Variants in RAPGEF1 observed in about 807,000 individuals in gnomAD.
RAPGEF1 encodes the protein CRK SH3-binding GNRP.
A neutral mutation model predicts 143.3 loss-of-function variants in RAPGEF1; 33 were observed. The observed-to-expected ratio is 0.23, with a 90% CI of 0.17 to 0.31. RAPGEF1 has a LOEUF of 0.31. RAPGEF1 is among the 10% of genes least tolerant of loss of function. The pLI, the probability that RAPGEF1 is intolerant of heterozygous loss-of-function variation, is 1.00. For synonymous variants in RAPGEF1, 629 were observed against 676.5 expected (o/e 0.93, Z 1.09); for missense variants, 1,199 against 1,645.4 (o/e 0.73, Z 4.69).
intron 1 of RAPGEF1, among the ~76,000 whole-genome samples, chr9:131,734,693 C>G (rs1304684007): frequency 2.0e-5 from 3 of 152,232 alleles, no homozygotes; most frequent in Non-Finnish European, 2.9e-5. Flanking sequence ...AAGAGGACCT[C>G]TTTCTCAGGC....
intron 1 of RAPGEF1, among the ~76,000 whole-genome samples, chr9:131,729,685 C>T (rs975770682): frequency 1.3e-5 from 2 of 152,216 alleles, no homozygotes; most frequent in Non-Finnish European, 2.9e-5. Flanking sequence ...CCACCCCTGG[C>T]GAGTCACTTC....
At position 131,577,774 on chromosome 9, in the gene RAPGEF1, C is replaced by G. The variant is rs969006150; in HGVS notation, c.*1723G>C. 11 of 152,172 alleles carry G rather than the reference C, an allele frequency of 7.2e-5. No homozygotes were observed. Among genetic ancestry groups the G allele is most frequent in the Non-Finnish European group, 1.0e-4 (7 of 68,052 alleles). 9.4% of individuals were successfully genotyped at this position (152,172 alleles called of 1,614,324 possible). A position where few individuals can be genotyped will look rare whatever the true frequency, so the allele number is the denominator to read the frequency against. ...TCCTTAAATAATAAAGTGACAGGTCCCGGCTGGCCCCGCAAGACCACCGCA... is the reference window on the plus strand; with the variant it reads ...TCCTTAAATAATAAAGTGACAGGTCGCGGCTGGCCCCGCAAGACCACCGCA... On this transcript the variant is annotated 3_prime_UTR_variant, in exon 27 of 27. Coordinates refer to ENST00000683357, the MANE Select transcript of RAPGEF1 (RefSeq NM_001377935.1).
intron 12 of RAPGEF1, among the ~76,000 whole-genome samples, chr9:131,615,968 G>A (rs1588472052): frequency 1.3e-5 from 2 of 152,170 alleles, no homozygotes. Context: ...ATATTCCAGG[G>A]ATAAAAACCA....
chr9:131,738,353 C>G (rs1427676918), intron 1 of RAPGEF1, among the ~76,000 whole-genome samples: 1 of 152,082 alleles, frequency 6.6e-6, no homozygotes, highest in Non-Finnish European at 1.5e-5. Context: ...AGACACTATA[C>G]AAGAAGTTCC....
chr9:131,606,864 A>G lies in RAPGEF1; in HGVS notation c.2062-1676T>C, dbSNP rs903966103. Among the ~76,000 whole-genome samples the G allele has an allele frequency of 2.0e-5, 3 of 152,140 alleles. No homozygotes were observed. The East Asian group carries it at 5.8e-4, about 29-fold the overall frequency. On this transcript the variant is annotated intron_variant, in intron 12 of 26. Coordinates refer to ENST00000683357, the MANE Select transcript of RAPGEF1 (RefSeq NM_001377935.1). ...GGTCTTGAACTCCTGAGCTCAAATGATCTGCCCGCCTCAGTCTCCCAAAGT... is the reference window on the plus strand; with the variant it reads ...GGTCTTGAACTCCTGAGCTCAAATGGTCTGCCCGCCTCAGTCTCCCAAAGT...
chr9:131,591,943 G>T (rs926085865), intron 18 of RAPGEF1, among the ~76,000 whole-genome samples, 156 bp downstream of exon 18: 13 of 152,176 alleles, frequency 8.5e-5, no homozygotes, highest in African/African-American at 3.1e-4. Context: ...GTAGAGGTGG[G>T]AACCTCGGTC....
intron 1 of RAPGEF1, among the ~76,000 whole-genome samples, chr9:131,688,948 T>G (rs1490973390): frequency 6.6e-6 from 1 of 152,198 alleles, no homozygotes; most frequent in Non-Finnish European, 1.5e-5. Flanking sequence ...TGGACCACTG[T>G]GTCTTAACTG....
intron 10 of RAPGEF1, among the ~76,000 whole-genome samples, chr9:131,624,925 C>T (rs1195451268): frequency 6.6e-6 from 1 of 152,380 alleles, no homozygotes; most frequent in South Asian, 2.1e-4. Flanking sequence ...GACATCATCG[C>T]AGCCGCCGCC....
In RAPGEF1 at chr9:131,582,608, T is replaced by G. The variant is rs1588151866; in HGVS notation, c.3509A>C (p.Tyr1170Ser). Residue 1170 changes from tyrosine to serine, a missense_variant, in exon 25 of 27, where the codon TAC (tyrosine) becomes TCC (serine). Coordinates refer to ENST00000683357, the MANE Select transcript of RAPGEF1 (RefSeq NM_001377935.1). Reference protein sequence around the residue: ...LSEVEPPCIPYLGLILQDLTF... With the variant: ...LSEVEPPCIPSLGLILQDLTF... ...GCCTGGAGGGGCTGCTACTCACAGG[T>G]ACGGGATGCACGGCGGTTCCACCTC... is the stretch of plus-strand genomic sequence containing the variant. 2 of 1,517,906 alleles carry G rather than the reference T, an allele frequency of 1.3e-6. No homozygotes were observed. Among genetic ancestry groups the G allele is most frequent in the Non-Finnish European group, 1.8e-6 (2 of 1,142,640 alleles). The allele number at this position is 1,517,906 out of a possible 1,614,324, so 94.0% of individuals were successfully genotyped here.
chr9:131,628,542 G>A lies in RAPGEF1; in HGVS notation c.1017+7C>T. On this transcript the variant is annotated splice_region_variant and intron_variant, in intron 8 of 26. Coordinates refer to ENST00000683357, the MANE Select transcript of RAPGEF1 (RefSeq NM_001377935.1). This position sits in a 1 kb window ranked among gnomAD's most constrained non-coding sequence, Gnocchi z 5.7. Reference sequence around the variant, plus strand: ...CCTTCCCATGCAGGGAACAGGGGCTGCATTACCTGCCTATTGATTCCAACA... The same window carrying A: ...CCTTCCCATGCAGGGAACAGGGGCTACATTACCTGCCTATTGATTCCAACA... 6.2e-7 allele frequency: 1 copy of A among 1,612,168 alleles called. No individual in the cohort carries two copies. Among genetic ancestry groups the A allele is most frequent in the East Asian group, 2.2e-5 (1 of 44,818 alleles).
chr9:131,626,276 G>A lies in RAPGEF1; in HGVS notation c.1348C>T (p.Pro450Ser). 6.2e-7 allele frequency: 1 copy of A among 1,613,994 alleles called. No homozygotes were observed. Among genetic ancestry groups the A allele is most frequent in the African/African-American group, 1.3e-5 (1 of 75,042 alleles). The change falls in exon 10 of 27, where the codon CCT (proline) becomes TCT (serine). Residue 450 changes from proline to serine, a missense_variant. Physicochemically the swap from Pro to Ser is moderately conservative, Grantham distance 74 (BLOSUM62 -1). Around this residue, in one of 6 missense-constraint regions of RAPGEF1, gnomAD observed 613 missense variants for 710.9 expected, o/e 0.86. Transcript: ENST00000683357. ...SPFLGPPFQL[P>S]LGGHPQPDGP... ...TCTGGCTGGGGATGGCCGCCAAGAG[G>A]CAGCTGGAAAGGAGGGCCAAGAAAT...
chr9:131,630,369 C>T (rs1554830750), intron 5 of RAPGEF1, 45 bp from the exon 6 acceptor site: 2 of 1,592,500 alleles, frequency 1.3e-6, no homozygotes, highest in African/African-American at 1.3e-5. Flanking sequence ...CCCGTCACCA[C>T]TGAGTTTCCA....
chr9:131,617,250 G>C (rs1159953758), intron 12 of RAPGEF1, among the ~76,000 whole-genome samples: 2 of 152,226 alleles, frequency 1.3e-5, no homozygotes, highest in Non-Finnish European at 2.9e-5. Flanking sequence ...GCCAAGTTTC[G>C]CAAGATTTGT....
At chr9:131,604,129 C>A in intron 13 of RAPGEF1, 76 bp from the exon 14 acceptor site, 1 of 898,324 alleles carries the variant, frequency 1.1e-6, no homozygotes, top group Non-Finnish European at 1.6e-6. Context: ...CCAGGGGATG[C>A]CACAGCCTGC....
intron 1 of RAPGEF1, among the ~76,000 whole-genome samples, chr9:131,684,277 T>C (rs1210271315): frequency 1.3e-5 from 2 of 152,238 alleles, no homozygotes; most frequent in Non-Finnish European, 2.9e-5. Flanking sequence ...TTTTCTCACT[T>C]TGTCTGGGCT....
Position 131,643,224 on chromosome 9 carries a change from T to G in RAPGEF1, c.494+15A>C, listed in dbSNP as rs775664245. The G allele has an allele frequency of 2.5e-6, 4 of 1,603,996 alleles. No homozygotes were observed. The highest frequency in any genetic ancestry group is 4.3e-4 in the Middle Eastern group (2 of 4,614). ...CCATTGTTCTGACACAGCCAAAGAC[T>G]TCAGAGCCACTCACCTGTGCTGAAT... On this transcript the variant is annotated intron_variant, in intron 4 of 26. Transcript: ENST00000683357.
rs775152902 is a variant in RAPGEF1, at chr9:131,580,279, G to A, written c.3625C>T (p.Arg1209Cys). 1.2e-6 allele frequency: 2 copies of A among 1,613,956 alleles called. No individual in the cohort carries two copies. The highest frequency in any genetic ancestry group is 3.3e-5 in the Admixed American group (2 of 60,028). ...WQQFNILDSM[R>C]CFQQAHYDMR... The stretch of plus-strand genomic sequence containing the variant: ...GGCACTCACGCCTGCTGGAAGCAGC[G>A]CATGCTGTCGAGGATGTTGAACTGC... The change falls in exon 26 of 27, where the codon CGC becomes TGC. Residue 1209 changes from arginine (R) to cysteine (C), a missense_variant. Around this residue, in one of 6 missense-constraint regions of RAPGEF1, gnomAD observed 67 missense variants for 105.4 expected, o/e 0.64. Coordinates refer to ENST00000683357, the MANE Select transcript of RAPGEF1 (RefSeq NM_001377935.1).
intron 1 of RAPGEF1, among the ~76,000 whole-genome samples, chr9:131,724,255 C>T (rs1836477174): frequency 6.6e-6 from 1 of 152,074 alleles, no homozygotes. Flanking sequence ...TTCAGGAAGG[C>T]CATATACACA....
chr9:131,601,171 C>CAAAA (rs11305443), intron 15 of RAPGEF1, among the ~76,000 whole-genome samples: 8 of 79,434 alleles, frequency 1.0e-4, no homozygotes, highest in Non-Finnish European at 1.6e-4. Flanking sequence ...GACTCCGTCT[C>CAAAA]AAAAAAAAAA....
Sources: gnomAD v4.1 joint callset for allele counts (sites outside exome capture counted in the v4.1 genomes callset) on GRCh38, gnomAD v4.1.1 for gene constraint, gnomAD v4.1.1 regional missense constraint, Gnocchi (gnomAD v3.1) non-coding constraint, MANE v1.5 for transcripts, NCBI Gene and HGNC (gene_info 2026-07-23, HGNC 2026-07-21) for gene names.